IRAK2: variants seen among roughly 807,000 people sequenced by gnomAD.
IRAK2 encodes interleukin 1 receptor associated kinase 2, also known as interleukin-1 receptor-associated kinase-like 2.
In IRAK2, 57 loss-of-function variants were observed where a neutral mutation model predicts 72.0. That is an observed-to-expected ratio of 0.79 (90% CI 0.64 to 0.99). The LOEUF (loss-of-function observed/expected upper bound fraction) is 0.99, where lower values mean the gene tolerates loss of function less well. Ranked by LOEUF, IRAK2 falls within the 50% of genes least tolerant of loss-of-function variation. The pLI, the probability that IRAK2 is intolerant of heterozygous loss-of-function variation, is 0.00. For synonymous variants in IRAK2, 293 were observed against 312.7 expected (o/e 0.94, Z 0.67); for missense variants, 790 against 794.4 (o/e 0.99, Z 0.07).
In IRAK2 at chr3:10,222,704, T is replaced by A. The variant is rs1387307982; in HGVS notation, c.1082T>A (p.Val361Asp). Reference sequence around the variant, plus strand: ...CACCCAATGGCTCATCTGTGTCCTGTCAACAAAAGGTCAAAATACACCATG... The same window carrying A: ...CACCCAATGGCTCATCTGTGTCCTGACAACAAAAGGTCAAAATACACCATG... Reference protein sequence around the residue: ...LAHPMAHLCPVNKRSKYTMMK... With the variant: ...LAHPMAHLCPDNKRSKYTMMK... Residue 361 changes from valine (V) to aspartate (D), a missense_variant, in exon 9 of 13, where the codon GTC (valine) becomes GAC (aspartate). Physicochemically the swap from Val to Asp is radical, Grantham distance 152. Transcript: ENST00000256458. 6.2e-7 allele frequency: 1 copy of A among 1,614,160 alleles called. No homozygotes were observed.
At chr3:10,193,664 C>T (rs187001639) in intron 2 of IRAK2, among the ~76,000 whole-genome samples, 19 of 152,300 alleles carry the variant, frequency 1.2e-4, no homozygotes, top group Non-Finnish European at 2.2e-4. Context: ...TGAGAACTGC[C>T]GTGTCAACCT....
At chr3:10,199,869 T>C (rs1697327655) in intron 2 of IRAK2, among the ~76,000 whole-genome samples, 1 of 150,540 alleles carries the variant, frequency 6.6e-6, no homozygotes, top group African/African-American at 2.4e-5. Flanking sequence ...AGGACTGCCA[T>C]GTTCAGCCAC....
rs150548225 is a variant in IRAK2, at chr3:10,239,817, C to T, written c.1765+778C>T. Among the ~76,000 whole-genome samples, 4 of 152,252 alleles carry T rather than the reference C, an allele frequency of 2.6e-5. No individual in the cohort carries two copies. In the East Asian group the frequency reaches 7.7e-4, roughly 29 times the overall value. On this transcript the variant is annotated intron_variant, in intron 12 of 12. Transcript: ENST00000256458. The stretch of plus-strand genomic sequence containing the variant: ...TGGTCTGTTCCTGTCTGCCTCTCCT[C>T]TCAACACAAACACCATCCTCACCAG...
chr3:10,231,047 C>CG (rs1276678351), intron 10 of IRAK2, among the ~76,000 whole-genome samples: 1 of 152,120 alleles, frequency 6.6e-6, no homozygotes, highest in African/African-American at 2.4e-5. Flanking sequence ...TGTGCCCTCA[C>CG]GCCCAGCTAA....
intron 2 of IRAK2, among the ~76,000 whole-genome samples, chr3:10,194,897 C>T (rs1040544489): frequency 3.9e-5 from 6 of 152,176 alleles, no homozygotes. Context: ...TGTTGGCTTA[C>T]ATCCGTGGCT....
intron 3 of IRAK2, among the ~76,000 whole-genome samples, chr3:10,208,956 C>T (rs1009833117): frequency 6.6e-6 from 1 of 152,026 alleles, no homozygotes; most frequent in African/African-American, 2.4e-5. Flanking sequence ...TAACTTACTC[C>T]AGCCCCGGGC....
At chr3:10,240,483 C>T (rs1698035364) in intron 12 of IRAK2, among the ~76,000 whole-genome samples, 1 of 146,128 alleles carries the variant, frequency 6.8e-6, no homozygotes, top group Admixed American at 6.9e-5. Flanking sequence ...CCTTCCATTC[C>T]TGCCACTCAG....
intron 11 of IRAK2, among the ~76,000 whole-genome samples, chr3:10,237,723 C>T (rs1033756407): frequency 1.3e-5 from 2 of 148,670 alleles, no homozygotes; most frequent in Non-Finnish European, 3.0e-5. Flanking sequence ...AGGAGAATGG[C>T]GTGAACCCGG....
intron 8 of IRAK2, among the ~76,000 whole-genome samples, chr3:10,222,310 A>G (rs2125159919): frequency 6.6e-6 from 1 of 152,258 alleles, no homozygotes; most frequent in East Asian, 1.9e-4. Context: ...GTTGTGGAAG[A>G]GACTGAGTCT....
intron 1 of IRAK2, among the ~76,000 whole-genome samples, chr3:10,171,961 G>A (rs1683007): frequency 0.26 from 38,879 of 151,724 alleles, 6,113 homozygotes; most frequent in Non-Finnish European, 0.36. Flanking sequence ...AGATGGGCTG[G>A]GCGTAGTGGC....
chr3:10,199,061 G>T (rs73026543), intron 2 of IRAK2, among the ~76,000 whole-genome samples: 1 of 152,056 alleles, frequency 6.6e-6, no homozygotes, highest in Admixed American at 6.6e-5. Context: ...CCCCATAAAG[G>T]CTTCAAGCAG....
intron 2 of IRAK2, among the ~76,000 whole-genome samples, chr3:10,182,855 C>T (rs985291505): frequency 4.0e-5 from 6 of 151,748 alleles, no homozygotes; most frequent in African/African-American, 1.5e-4. Flanking sequence ...ACTGCAACCT[C>T]TGCTTCTGGA....
intron 8 of IRAK2, among the ~76,000 whole-genome samples, chr3:10,221,015 A>T (rs1426303049): frequency 6.6e-6 from 1 of 151,974 alleles, no homozygotes; most frequent in Non-Finnish European, 1.5e-5. Context: ...CTTCCCGTGA[A>T]GGAATTTGCC....
chr3:10,173,514 G>A (rs1159558870), intron 1 of IRAK2, among the ~76,000 whole-genome samples: 1 of 152,126 alleles, frequency 6.6e-6, no homozygotes, highest in Non-Finnish European at 1.5e-5. Context: ...TCTCTATCAT[G>A]TCCCGACTCT....
At chr3:10,184,305 A>G (rs1312060101) in intron 2 of IRAK2, among the ~76,000 whole-genome samples, 1 of 152,196 alleles carries the variant, frequency 6.6e-6, no homozygotes, top group East Asian at 1.9e-4. Flanking sequence ...ACTCTAGAAA[A>G]GGAGGCAATC....
At chr3:10,205,828 C>T (rs906467239) in intron 3 of IRAK2, among the ~76,000 whole-genome samples, 3 of 152,226 alleles carry the variant, frequency 2.0e-5, no homozygotes. Flanking sequence ...AGTGAGGTGG[C>T]ACAGACATGG....
At chr3:10,219,017 G>A (rs1302765780) in intron 7 of IRAK2, among the ~76,000 whole-genome samples, 1 of 152,172 alleles carries the variant, frequency 6.6e-6, no homozygotes, top group African/African-American at 2.4e-5. Flanking sequence ...GGCCAACATG[G>A]CAAAACCCTG....
chr3:10,237,927 CTCTGTGTG>C (rs1697991476), intron 11 of IRAK2, among the ~76,000 whole-genome samples: 1 of 89,862 alleles, frequency 1.1e-5, no homozygotes, highest in African/African-American at 3.9e-5. Flanking sequence ...TGTATGTGTG[CTCTGTGTG>C]TGTGTGTGTG....
At chr3:10,191,384 T>G (rs1048413000) in intron 2 of IRAK2, among the ~76,000 whole-genome samples, 1 of 152,074 alleles carries the variant, frequency 6.6e-6, no homozygotes, top group African/African-American at 2.4e-5. Flanking sequence ...CAGATGGTTA[T>G]TTGGTAAGTA....
Sources: gnomAD v4.1 joint callset for allele counts (sites outside exome capture counted in the v4.1 genomes callset) on GRCh38, gnomAD v4.1.1 for gene constraint, MANE v1.5 for transcripts, NCBI Gene and HGNC (gene_info 2026-07-23, HGNC 2026-07-21) for gene names.